Variants in GPHN observed in about 807,000 individuals in gnomAD.
GPHN encodes gephyrin.
Under a neutral mutation model 95.5 loss-of-function variants are expected in GPHN, and 17 were observed. That is an observed-to-expected ratio of 0.18 (90% confidence interval 0.12 to 0.27). The LOEUF is 0.27. Among genes scored for constraint, GPHN ranks in the 10% least tolerant of loss-of-function variants. The pLI is 1.00. For synonymous variants in GPHN, 320 were observed against 322.5 expected (o/e 0.99, Z 0.08); for missense variants, 660 against 978.1 (o/e 0.67, Z 4.34).
chr14:66,804,028 T>G (rs1054392614), intron 3 of GPHN, among the ~76,000 whole-genome samples: 2 of 152,140 alleles, frequency 1.3e-5, no homozygotes, highest in African/African-American at 4.8e-5. Context: ...TGTTTTTTCC[T>G]CTCAATTTTG....
At chr14:67,337,953 A>C in the GPHN span, 7 of 152,220 alleles carry the variant, frequency 4.6e-5, no homozygotes, top group African/African-American at 1.7e-4. Flanking sequence ...ACTCTAATAC[A>C]TGGAGTGGGA....
At chr14:66,944,034 A>G (rs2153574660) in intron 8 of GPHN, among the ~76,000 whole-genome samples, 1 of 152,358 alleles carries the variant, frequency 6.6e-6, no homozygotes, top group Non-Finnish European at 1.5e-5. Context: ...CAGTCAACTG[A>G]GAAAAAAACC....
rs746578332 is a variant in GPHN, at chr14:66,985,773, C to A, written c.963+20448C>A. On this transcript the variant is annotated intron_variant, in intron 9 of 22. Transcript: ENST00000478722. ...TTTCTAACATTTTTTGGCAAGATTT[C>A]GTCTATAGCCTACACTTCTTCCTTT... The A allele has an allele frequency of 2.5e-5, 31 of 1,233,606 alleles. No individual in the cohort carries two copies. In the African/African-American group the frequency reaches 4.5e-4, roughly 18 times the overall value. The allele number at this position is 1,233,606 out of a possible 1,614,324, so 76.4% of individuals were successfully genotyped here. A position where few individuals can be genotyped will look rare whatever the true frequency, so the allele number is the denominator to read the frequency against.
chr14:66,951,043 G>A (rs572618772), intron 8 of GPHN, among the ~76,000 whole-genome samples: 13 of 152,166 alleles, frequency 8.5e-5, no homozygotes, highest in Non-Finnish European at 1.9e-4. Context: ...TCCTGCCTCA[G>A]CCTACTGAGT....
At chr14:67,425,185 G>C in the GPHN span, among the ~76,000 whole-genome samples, 1 of 152,148 alleles carries the variant, frequency 6.6e-6, no homozygotes, top group Non-Finnish European at 1.5e-5. Context: ...CTGGGCTCAA[G>C]TGATCCTCCT....
In GPHN at chr14:66,553,077, G is replaced by A. The variant is rs180900349; in HGVS notation, c.64+44486G>A. 4.0e-5 allele frequency among the ~76,000 whole-genome samples: 6 copies of A among 150,898 alleles called. No individual in the cohort carries two copies. In the East Asian group the frequency reaches 7.8e-4, roughly 20 times the overall value. Reference sequence around the variant, plus strand: ...ACGATCTTGGCTCACTGTAACCTCCGCCTCCCAGGTTCAAGCGATTCCCTG... The same window carrying A: ...ACGATCTTGGCTCACTGTAACCTCCACCTCCCAGGTTCAAGCGATTCCCTG... On this transcript the variant is annotated intron_variant, in intron 1 of 22. Transcript: ENST00000478722.
chr14:67,559,211 A>C, the GPHN span, among the ~76,000 whole-genome samples: 3 of 152,036 alleles, frequency 2.0e-5, no homozygotes, highest in Non-Finnish European at 4.4e-5. Flanking sequence ...TTTGTTTTTT[A>C]ACTATAAAGG....
the GPHN span, among the ~76,000 whole-genome samples, chr14:67,519,754 G>A: frequency 2.0e-4 from 29 of 147,946 alleles, no homozygotes; most frequent in East Asian, 2.0e-3. Flanking sequence ...ACAGGTTCTC[G>A]TTCTGTTGCC....
chr14:67,195,868 C>G, the GPHN span, among the ~76,000 whole-genome samples: 1 of 152,096 alleles, frequency 6.6e-6, no homozygotes, highest in African/African-American at 2.4e-5. Flanking sequence ...CTCAGCCTCC[C>G]AAGTGGGCCT....
the GPHN span, among the ~76,000 whole-genome samples, chr14:67,629,504 A>G: frequency 6.6e-6 from 1 of 152,222 alleles, no homozygotes. Context: ...ACAAAGTGGA[A>G]TATCAGTTAC....
the GPHN span, among the ~76,000 whole-genome samples, chr14:67,403,690 C>G: frequency 3.3e-5 from 5 of 152,120 alleles, no homozygotes; most frequent in African/African-American, 1.2e-4. Context: ...AAGCTGGTGG[C>G]CCTCATGAAA....
the GPHN span, among the ~76,000 whole-genome samples, chr14:67,734,905 A>T: frequency 1.3e-5 from 2 of 152,230 alleles, no homozygotes; most frequent in Non-Finnish European, 2.9e-5. Context: ...CAGCTTGGCC[A>T]GCTCACAGTG....
chr14:67,411,952 C>A, the GPHN span: 20 of 1,416,724 alleles, frequency 1.4e-5, no homozygotes, highest in Middle Eastern at 1.8e-3. Context: ...CGTCTGGCCC[C>A]GCTCTAGGGA....
rs1163094996 is a variant in GPHN at position 67,159,321 on chromosome 14, C to T, written c.1837-94C>T. On this transcript the variant is annotated intron_variant, in intron 18 of 22. Transcript: ENST00000478722. ...TTAAAATAAGAAAGATGTTTCTTTT[C>T]ATTTCAATCTTATTAATTTAATGTT... 5 of 817,702 alleles carry T rather than the reference C, an allele frequency of 6.1e-6. No individual in the cohort carries two copies. In the African/African-American group the frequency reaches 8.5e-5, roughly 14 times the overall value. 50.7% of individuals were successfully genotyped at this position (817,702 alleles called of 1,614,324 possible).
chr14:66,787,359 A>G (rs1385528138), intron 3 of GPHN, among the ~76,000 whole-genome samples: 1 of 152,216 alleles, frequency 6.6e-6, no homozygotes, highest in African/African-American at 2.4e-5. Flanking sequence ...GAATAAAGAC[A>G]CATTCTGTGT....
rs912925081 is a variant in GPHN at position 66,653,132 on chromosome 14, T to TTCCCAGCATCC, written c.65-27970_65-27960dup. 1.8e-4 allele frequency among the ~76,000 whole-genome samples: 27 copies of TTCCCAGCATCC among 152,224 alleles called. 1 individual carries two copies. Among genetic ancestry groups the TTCCCAGCATCC allele is most frequent in the Admixed American group, 1.6e-3 (25 of 15,288 alleles). On this transcript the variant is annotated intron_variant, in intron 1 of 22. Coordinates refer to ENST00000478722, the MANE Select transcript of GPHN (RefSeq NM_020806.5). ...TGGTACTCGGCAATGTTTTGCAGTG[T>TTCCCAGCATCC]TCCCAGCATCCTCCCTCTTCTACCT...
At chr14:66,940,061 T>G (rs138778505) in intron 8 of GPHN, among the ~76,000 whole-genome samples, 2 of 152,260 alleles carry the variant, frequency 1.3e-5, no homozygotes, top group East Asian at 3.9e-4. Flanking sequence ...ACCCTTTTGC[T>G]AGCATTTCAG....
At chr14:67,073,907 G>C (rs1211807266) in intron 11 of GPHN, among the ~76,000 whole-genome samples, 1 of 152,140 alleles carries the variant, frequency 6.6e-6, no homozygotes, top group Non-Finnish European at 1.5e-5. Flanking sequence ...ATTAATGAAT[G>C]TACTGGTTTT....
At chr14:67,492,434 TGTCA>T in the GPHN span, among the ~76,000 whole-genome samples, 14 of 152,216 alleles carry the variant, frequency 9.2e-5, no homozygotes, top group African/African-American at 3.1e-4. Context: ...AGCCTTCTCC[TGTCA>T]GTCAGAAAAA....
Sources: gnomAD v4.1 joint callset for allele counts (sites outside exome capture counted in the v4.1 genomes callset) on GRCh38, gnomAD v4.1.1 for gene constraint, MANE v1.5 for transcripts, NCBI Gene and HGNC (gene_info 2026-07-23, HGNC 2026-07-21) for gene names.